Variants in TNXB observed in about 807,000 individuals in gnomAD.
TNXB encodes tenascin XB.
TNXB carries 183 observed loss-of-function variants against 340.5 expected under a neutral mutation model. The observed-to-expected ratio is 0.54, with a 90% CI of 0.48 to 0.61. The LOEUF (loss-of-function observed/expected upper bound fraction) is 0.61, where lower values mean the gene tolerates loss of function less well. TNXB is among the 20% of genes least tolerant of loss of function. TNXB has a pLI of 0.00. For synonymous variants in TNXB, 2,121 were observed against 2,314.5 expected (o/e 0.92, Z 2.40); for missense variants, 4,613 against 5,446.4 (o/e 0.85, Z 4.82).
Position 32,056,836 on chromosome 6 carries a change from C to A in TNXB, c.7893G>T (p.Leu2631=). The part of the protein sequence containing the change: ...MTPEPPIKPR[L]GELTMTDATP... The stretch of plus-strand genomic sequence containing the variant: ...TGGCATCTGTCATGGTCAGCTCCCC[C>A]AGGCGAGGCTTGATGGGGGGCTCAG... The change falls in exon 23 of 44, where the codon CTG becomes CTT. Residue 2631 remains leucine, a synonymous_variant. Coordinates refer to ENST00000644971, the MANE Select transcript of TNXB (RefSeq NM_001365276.2). 1 of 1,612,998 alleles carries A rather than the reference C, an allele frequency of 6.2e-7. No homozygotes were observed. Among genetic ancestry groups the A allele is most frequent in the East Asian group, 2.2e-5 (1 of 44,872 alleles).
rs1421322338 is a variant in TNXB at position 32,069,984 on chromosome 6, T to C, written c.5279-123A>G. 2.5e-5 allele frequency: 35 copies of C among 1,374,770 alleles called. No individual in the cohort carries two copies. Among genetic ancestry groups the C allele is most frequent in the Middle Eastern group, 1.9e-4 (1 of 5,226 alleles). 85.2% of individuals were successfully genotyped at this position (1,374,770 alleles called of 1,614,324 possible). A position where few individuals can be genotyped will look rare whatever the true frequency, so the allele number is the denominator to read the frequency against. ...GTGGCTGAGTCCTGCCGGGCTGTGC[T>C]AGGGGCTTGTGCAGGGACGTGGGGA... On this transcript the variant is annotated intron_variant, in intron 14 of 43. Coordinates refer to ENST00000644971, the MANE Select transcript of TNXB (RefSeq NM_001365276.2). The surrounding 1 kb of genome is among the most constrained non-coding windows in gnomAD (Gnocchi z 6.2).
In TNXB at chr6:32,089,057, G is replaced by T; in HGVS notation, c.2516-9C>A. On this transcript the variant is annotated splice_polypyrimidine_tract_variant and intron_variant, in intron 5 of 43. Coordinates refer to ENST00000644971, the MANE Select transcript of TNXB (RefSeq NM_001365276.2). The surrounding 1 kb of genome is among the most constrained non-coding windows in gnomAD (Gnocchi z 6.2). The stretch of plus-strand genomic sequence containing the variant: ...CTGGGGCCCATCGATCACTAGCCAG[G>T]TTAAAGAGGAGGACTCAGGTGGGTG... 8 of 1,605,774 alleles carry T rather than the reference G, an allele frequency of 5.0e-6. No individual in the cohort carries two copies. The highest frequency in any genetic ancestry group is 6.8e-6 in the Non-Finnish European group (8 of 1,175,802).
chr6:32,086,276 C>A (rs1489821555), intron 6 of TNXB, among the ~76,000 whole-genome samples, 158 bp from the exon 7 acceptor site: 1 of 152,172 alleles, frequency 6.6e-6, no homozygotes, highest in East Asian at 1.9e-4. Flanking sequence ...AAAGGTCAGC[C>A]AATCCTCCAA....
chr6:32,061,587 G>A lies in TNXB; in HGVS notation c.7302C>T (p.Pro2434=), dbSNP rs755135733. The A allele has an allele frequency of 5.0e-6, 8 of 1,613,106 alleles. No homozygotes were observed. The highest frequency in any genetic ancestry group is 6.8e-6 in the Non-Finnish European group (8 of 1,179,878). The part of the protein sequence containing the change: ...PDSLSLSWTV[P]QGRFDSFTVQ... ...CGGTGAAGGAGTCGAAGCGGCCCTG[G>A]GGGACGGTCCAGGAGAGGCTCAGCG... The change falls in exon 21 of 44, where the codon CCC becomes CCT. Residue 2434 remains proline (P), a synonymous_variant. Coordinates refer to ENST00000644971, the MANE Select transcript of TNXB (RefSeq NM_001365276.2). The surrounding 1 kb of genome is among the most constrained non-coding windows in gnomAD (Gnocchi z 4.4).
chr6:32,101,722 A>G (rs1780732741), intron 1 of TNXB, among the ~76,000 whole-genome samples: 1 of 147,802 alleles, frequency 6.8e-6, no homozygotes, highest in Non-Finnish European at 1.5e-5. Context: ...CACCACACCC[A>G]CCCTATTTCA....
intron 4 of TNXB, among the ~76,000 whole-genome samples, chr6:32,092,532 G>A (rs1780120359): frequency 6.6e-6 from 1 of 151,984 alleles, no homozygotes. Flanking sequence ...CCACAGAAAT[G>A]GACAAAGGGT....
Position 32,095,792 on chromosome 6 carries a change from G to T in TNXB, c.2061C>A (p.Ala687=). 1 of 1,613,284 alleles carries T rather than the reference G, an allele frequency of 6.2e-7. No individual in the cohort carries two copies. Among genetic ancestry groups the T allele is most frequent in the Non-Finnish European group, 8.5e-7 (1 of 1,179,636 alleles). ...DCGQEEPPAS[A]CPGGCGPREL... ...CCCGGGGCCCGCAGCCTCCAGGGCA[G>T]GCGCTGGCTGGAGGCTCTTCCTGCC... Residue 687 remains alanine, a synonymous_variant, in exon 3 of 44, where the codon GCC becomes GCA. Coordinates refer to ENST00000644971, the MANE Select transcript of TNXB (RefSeq NM_001365276.2).
At position 32,075,131 on chromosome 6, in the gene TNXB, T is replaced by C. The variant is rs2151922869; in HGVS notation, c.4376-1179A>G. ...CCTCCTTGCCACCTCCAAGCACCAC[T>C]GGCTCCTCCTGGATTATCACAACAT... On this transcript the variant is annotated intron_variant, in intron 11 of 43. Coordinates refer to ENST00000644971, the MANE Select transcript of TNXB (RefSeq NM_001365276.2). The surrounding 1 kb of genome is among the most constrained non-coding windows in gnomAD (Gnocchi z 4.6). Among the ~76,000 whole-genome samples the C allele has an allele frequency of 6.6e-6, 1 of 152,332 alleles. No homozygotes were observed. The highest frequency in any genetic ancestry group is 1.9e-4 in the East Asian group (1 of 5,190).
In TNXB at chr6:32,085,849, C is replaced by G; in HGVS notation, c.3049G>C (p.Val1017Leu). The G allele has an allele frequency of 6.2e-7, 1 of 1,607,998 alleles. No homozygotes were observed. ...GGGGTTCCAGGAGGGGGTGGAGGCA[C>G]CAGAGCCTGGCGGACGTCCCCTGGC... ...VLPGDVRQALVPPPPPGTPYE... is the reference protein window; with the variant it reads ...VLPGDVRQALLPPPPPGTPYE... Residue 1017 changes from valine (V) to leucine (L), a missense_variant, in exon 7 of 44, where the codon GTG (valine) becomes CTG (leucine). By Grantham distance (32) the Val-to-Leu change is conservative. Coordinates refer to ENST00000644971, the MANE Select transcript of TNXB (RefSeq NM_001365276.2). This position sits in a 1 kb window ranked among gnomAD's most constrained non-coding sequence, Gnocchi z 6.4.
At chr6:32,106,138 G>T (rs1234018349) in intron 1 of TNXB, among the ~76,000 whole-genome samples, 3 of 151,600 alleles carry the variant, frequency 2.0e-5, no homozygotes, top group African/African-American at 4.8e-5. Flanking sequence ...GCATGGGGGG[G>T]GGGGCTTCTG....
rs1355096133 is a variant in TNXB, at chr6:32,067,018, G to A, written c.6544+643C>T. Among the ~76,000 whole-genome samples, 1 of 151,878 alleles carries A rather than the reference G, an allele frequency of 6.6e-6. No individual in the cohort carries two copies. The highest frequency in any genetic ancestry group is 1.5e-5 in the Non-Finnish European group (1 of 68,008). On this transcript the variant is annotated intron_variant, in intron 18 of 43. Coordinates refer to ENST00000644971, the MANE Select transcript of TNXB (RefSeq NM_001365276.2). The surrounding 1 kb of genome is among the most constrained non-coding windows in gnomAD (Gnocchi z 4.2). ...CCCAGGAGGTTGAGGCTGCAGTGCA[G>A]TGAATTGTGACTGTGCCAGTACACT...
Position 32,097,237 on chromosome 6 carries a change from G to A in TNXB, c.616C>T (p.Pro206Ser), listed in dbSNP as rs1780463024. 1 of 1,606,528 alleles carries A rather than the reference G, an allele frequency of 6.2e-7. No homozygotes were observed. The highest frequency in any genetic ancestry group is 8.5e-7 in the Non-Finnish European group (1 of 1,176,660). ...RCVRGRCVCF[P>S]GYTGPSCGWP... ...CCACAGCTGGGGCCAGTGTAGCCGG[G>A]AAAGCACACGCAACGACCACGGACA... is the stretch of plus-strand genomic sequence containing the variant. The change falls in exon 3 of 44, where the codon CCC becomes TCC. Residue 206 changes from proline (P) to serine (S), a missense_variant. Physicochemically the swap from Pro to Ser is moderately conservative, Grantham distance 74. Around this residue, in one of 7 missense-constraint regions of TNXB, gnomAD observed 4,327 missense variants for 4,859.4 expected, o/e 0.89. Coordinates refer to ENST00000644971, the MANE Select transcript of TNXB (RefSeq NM_001365276.2). The surrounding 1 kb of genome is among the most constrained non-coding windows in gnomAD (Gnocchi z 5.9).
At position 32,085,697 on chromosome 6, in the gene TNXB, C is replaced by T. The variant is rs1236528907; in HGVS notation, c.3148+53G>A. The T allele has an allele frequency of 4.0e-6, 6 of 1,486,302 alleles. No individual in the cohort carries two copies. Among genetic ancestry groups the T allele is most frequent in the South Asian group, 1.5e-5 (1 of 67,348 alleles). 92.1% of individuals were successfully genotyped at this position (1,486,302 alleles called of 1,614,324 possible). On this transcript the variant is annotated intron_variant, in intron 7 of 43. Transcript: ENST00000644971. This position sits in a 1 kb window ranked among gnomAD's most constrained non-coding sequence, Gnocchi z 6.4. Reference sequence around the variant, plus strand: ...TCCTACCTCTGAAGTCCCAATAACCCCAGCTCCTCCCCCAATCTCAGGATA... The same window carrying T: ...TCCTACCTCTGAAGTCCCAATAACCTCAGCTCCTCCCCCAATCTCAGGATA...
chr6:32,088,833 C>T lies in TNXB; in HGVS notation c.2731G>A (p.Glu911Lys), dbSNP rs1340682553. Residue 911 changes from glutamate to lysine, a missense_variant, in exon 6 of 44, where the codon GAG (glutamate) becomes AAG (lysine). By Grantham distance (56) the Glu-to-Lys change is moderately conservative. Coordinates refer to ENST00000644971, the MANE Select transcript of TNXB (RefSeq NM_001365276.2). ...GGGTAGCTGACTGCCCGGCCCCGCT[C>T]CGCTGTGACAGTCACCACATATTCT... ...GVEYVVTVTA[E>K]RGRAVSYPAS... The T allele has an allele frequency of 6.3e-7, 1 of 1,582,042 alleles. No individual in the cohort carries two copies. The highest frequency in any genetic ancestry group is 8.6e-7 in the Non-Finnish European group (1 of 1,164,512).
intron 6 of TNXB, 77 bp from the exon 7 acceptor site, chr6:32,086,195 G>GC (rs2061037273): frequency 2.1e-6 from 3 of 1,410,912 alleles, no homozygotes; most frequent in Non-Finnish European, 2.8e-6. Flanking sequence ...CCCAGGTTCT[G>GC]CCCTCCAGCC....
rs772370701 is a variant in TNXB at position 32,048,547 on chromosome 6, G to A, written c.9861C>T (p.Gly3287=). ...ACTGTACCAGGAAGGAGTCAAAGGG[G>A]CCCTGGGCCACCGTCCATGAGAGGC... is the stretch of plus-strand genomic sequence containing the variant. ...SVGLSWTVAQ[G]PFDSFLVQYR... Residue 3287 remains glycine, a synonymous_variant, in exon 29 of 44, where the codon GGC becomes GGT. Transcript: ENST00000644971. 15 of 1,588,690 alleles carry A rather than the reference G, an allele frequency of 9.4e-6. No homozygotes were observed. In the African/African-American group the frequency reaches 1.2e-4, roughly 13 times the overall value.
chr6:32,049,861 AGG>A lies in TNXB; in HGVS notation c.9439+135_9439+136del, dbSNP rs1237345143. On this transcript the variant is annotated intron_variant, in intron 27 of 43. Coordinates refer to ENST00000644971, the MANE Select transcript of TNXB (RefSeq NM_001365276.2). This position sits in a 1 kb window ranked among gnomAD's most constrained non-coding sequence, Gnocchi z 4.5. ...GGGGTCAACCACATAGGAAGGCCCA[AGG>A]GGAGTCCCAGCCCCAGCCACAAGCA... 2 of 1,398,840 alleles carry A rather than the reference AGG, an allele frequency of 1.4e-6. No homozygotes were observed. The highest frequency in any genetic ancestry group is 2.8e-5 in the African/African-American group (2 of 70,360). The allele number at this position is 1,398,840 out of a possible 1,614,324, so 86.7% of individuals were successfully genotyped here.
Position 32,062,099 on chromosome 6 carries a change from A to C in TNXB, c.7168+58T>G. The C allele has an allele frequency of 6.4e-7, 1 of 1,552,282 alleles. No individual in the cohort carries two copies. Among genetic ancestry groups the C allele is most frequent in the South Asian group, 1.2e-5 (1 of 82,154 alleles). On this transcript the variant is annotated intron_variant, in intron 20 of 43. Coordinates refer to ENST00000644971, the MANE Select transcript of TNXB (RefSeq NM_001365276.2). The surrounding 1 kb of genome is among the most constrained non-coding windows in gnomAD (Gnocchi z 4.3). Reference sequence around the variant, plus strand: ...CCCATTCCCCACCAGTCATCACCAAAGAGCAAGAGGGTGACCCTCCCATGG... The same window carrying C: ...CCCATTCCCCACCAGTCATCACCAACGAGCAAGAGGGTGACCCTCCCATGG...
Position 32,084,777 on chromosome 6 carries a change from T to G in TNXB, c.3149-68A>C. On this transcript the variant is annotated intron_variant, in intron 7 of 43. Transcript: ENST00000644971. This position sits in a 1 kb window ranked among gnomAD's most constrained non-coding sequence, Gnocchi z 5.5. ...GTTCTCTTGTCTGTGTCTCCTTCCCTCTCCCCTGCCCACCTCACTCCATCC... is the reference window on the plus strand; with the variant it reads ...GTTCTCTTGTCTGTGTCTCCTTCCCGCTCCCCTGCCCACCTCACTCCATCC... 7.2e-7 allele frequency: 1 copy of G among 1,397,064 alleles called. No homozygotes were observed. The highest frequency in any genetic ancestry group is 1.4e-5 in the African/African-American group (1 of 69,666). 86.5% of individuals were successfully genotyped at this position (1,397,064 alleles called of 1,614,324 possible). A position where few individuals can be genotyped will look rare whatever the true frequency, so the allele number is the denominator to read the frequency against.
Sources: allele counts gnomAD v4.1 joint callset (sites outside exome capture counted in the v4.1 genomes callset), GRCh38; gene constraint gnomAD v4.1.1; regional missense constraint gnomAD v4.1.1; non-coding constraint Gnocchi (gnomAD v3.1); transcripts MANE v1.5; gene names NCBI Gene and HGNC (gene_info 2026-07-23, HGNC 2026-07-21).